NRXN3: variants seen among roughly 807,000 people sequenced by gnomAD.
The protein encoded by NRXN3 is neurexin III.
NRXN3 carries 32 observed loss-of-function variants against 137.6 expected under a neutral mutation model. The observed-to-expected ratio is 0.23, with a 90% CI of 0.18 to 0.31. The LOEUF (loss-of-function observed/expected upper bound fraction) is 0.31. Ranked by LOEUF, NRXN3 falls within the 10% of genes least tolerant of loss-of-function variation. The pLI is 1.00. For synonymous variants in NRXN3, 798 were observed against 784.5 expected, an observed-to-expected ratio of 1.02 and a Z score of -0.29; for missense variants, 1,574 against 2,062.5, an observed-to-expected ratio of 0.76 and a Z score of 4.59.
intron 17 of NRXN3, among the ~76,000 whole-genome samples, chr14:79,670,936 A>G (rs2098604084): frequency 6.6e-6 from 1 of 152,138 alleles, no homozygotes; most frequent in Non-Finnish European, 1.5e-5. Flanking sequence ...TTCATGGAGA[A>G]TTCCACAATA....
intron 3 of NRXN3, among the ~76,000 whole-genome samples, chr14:78,279,997 C>A (rs529548274): frequency 6.6e-6 from 1 of 152,288 alleles, no homozygotes; most frequent in Non-Finnish European, 1.5e-5. Flanking sequence ...TGCTCCCTAC[C>A]TTTGAAAATA....
chr14:78,833,358 G>A (rs370294148), intron 10 of NRXN3, among the ~76,000 whole-genome samples: 2 of 152,132 alleles, frequency 1.3e-5, no homozygotes, highest in Non-Finnish European at 2.9e-5. Flanking sequence ...GCTTTGTGAA[G>A]TTTACAGACC....
chr14:78,580,830 A>G (rs1214139808), intron 4 of NRXN3, among the ~76,000 whole-genome samples: 1 of 152,220 alleles, frequency 6.6e-6, no homozygotes, highest in Non-Finnish European at 1.5e-5. Context: ...GTGGAGCCCA[A>G]AGGGCTTTTG....
chr14:78,213,010 G>C (rs1161298216), intron 1 of NRXN3, among the ~76,000 whole-genome samples: 2 of 152,178 alleles, frequency 1.3e-5, no homozygotes, highest in Non-Finnish European at 2.9e-5. Context: ...AAGGACCTGG[G>C]TTTTATGGAC....
intron 15 of NRXN3, among the ~76,000 whole-genome samples, chr14:79,426,739 T>C (rs1263916203): frequency 6.6e-6 from 1 of 152,146 alleles, no homozygotes; most frequent in African/African-American, 2.4e-5. Flanking sequence ...GGGACTGTCA[T>C]GGGGAGGGAC....
At chr14:78,885,158 C>T (rs959757444) in intron 10 of NRXN3, among the ~76,000 whole-genome samples, 3 of 147,772 alleles carry the variant, frequency 2.0e-5, no homozygotes, top group African/African-American at 4.9e-5. Flanking sequence ...ATATAAATTA[C>T]ATATGTAAAA....
chr14:78,751,414 T>G (rs1342895324), intron 8 of NRXN3, among the ~76,000 whole-genome samples: 1 of 150,198 alleles, frequency 6.7e-6, no homozygotes, highest in Non-Finnish European at 1.5e-5. Flanking sequence ...AGGGGAGGAG[T>G]CCAGCTGCTA....
chr14:78,176,288 C>T (rs1342774007), intron 1 of NRXN3, among the ~76,000 whole-genome samples: 1 of 152,066 alleles, frequency 6.6e-6, no homozygotes. Context: ...TAGTAATCAC[C>T]ATTCTCATCA....
chr14:79,227,664 G>A (rs540185802), intron 15 of NRXN3, among the ~76,000 whole-genome samples: 1 of 151,532 alleles, frequency 6.6e-6, no homozygotes, highest in Admixed American at 6.6e-5. Context: ...TTCTGATAGG[G>A]CCACTTTGTT....
At chr14:79,032,302 G>A (rs774176939) in intron 15 of NRXN3, among the ~76,000 whole-genome samples, 4 of 152,084 alleles carry the variant, frequency 2.6e-5, no homozygotes, top group African/African-American at 4.8e-5. Context: ...GCATCAAGTC[G>A]TTATTAAACA....
intron 15 of NRXN3, among the ~76,000 whole-genome samples, chr14:79,358,666 AAAGT>A (rs1208188839): frequency 6.1e-5 from 9 of 147,350 alleles, no homozygotes; most frequent in African/African-American, 2.2e-4. Flanking sequence ...AGAAAGAAAG[AAAGT>A]GTCCTAAAAG....
chr14:78,451,633 CTG>C (rs1006419681), intron 4 of NRXN3, among the ~76,000 whole-genome samples: 13 of 152,300 alleles, frequency 8.5e-5, no homozygotes, highest in African/African-American at 3.1e-4. Context: ...CAAAGAAAGA[CTG>C]TAATAAACGA....
At chr14:79,203,995 C>T (rs1275610017) in intron 15 of NRXN3, among the ~76,000 whole-genome samples, 2 of 152,002 alleles carry the variant, frequency 1.3e-5, no homozygotes, top group Admixed American at 6.6e-5. Context: ...ACCATCATGG[C>T]ATCATGAAAG....
chr14:79,122,230 A>G (rs2055574220), intron 15 of NRXN3, among the ~76,000 whole-genome samples: 1 of 152,196 alleles, frequency 6.6e-6, no homozygotes, highest in Non-Finnish European at 1.5e-5. Flanking sequence ...GGCACTGGTT[A>G]AGGAAACAGA....
intron 15 of NRXN3, among the ~76,000 whole-genome samples, chr14:79,317,588 A>C (rs554898883): frequency 6.6e-6 from 1 of 152,116 alleles, no homozygotes; most frequent in African/African-American, 2.4e-5. Flanking sequence ...ATTTCATCAT[A>C]TCTTTTGGGA....
At chr14:79,121,172 A>G (rs893884826) in intron 15 of NRXN3, among the ~76,000 whole-genome samples, 2 of 152,214 alleles carry the variant, frequency 1.3e-5, no homozygotes, top group Non-Finnish European at 2.9e-5. Flanking sequence ...TCATCACTGT[A>G]AGAACATTTG....
chr14:79,514,850 T>TTCTTTTTCTTCTTA (rs1567349837), intron 16 of NRXN3, among the ~76,000 whole-genome samples: 1 of 151,006 alleles, frequency 6.6e-6, no homozygotes, highest in African/African-American at 2.5e-5. Flanking sequence ...ACTGCTTCTC[T>TTCTTTTTCTTCTTA]TTAAAAAGTG....
chr14:78,721,144 T>C (rs1378835098), intron 8 of NRXN3, among the ~76,000 whole-genome samples: 1 of 152,224 alleles, frequency 6.6e-6, no homozygotes, highest in East Asian at 1.9e-4. Flanking sequence ...TTTTATACCA[T>C]TTTATAATTA....
intron 4 of NRXN3, among the ~76,000 whole-genome samples, chr14:78,501,589 A>G (rs1006741890): frequency 6.6e-6 from 1 of 152,206 alleles, no homozygotes; most frequent in South Asian, 2.1e-4. Flanking sequence ...GGAGAAGGTT[A>G]TACTTGGGCA....
Sources: gnomAD v4.1 joint callset for allele counts (sites outside exome capture counted in the v4.1 genomes callset) on GRCh38, gnomAD v4.1.1 for gene constraint, MANE v1.5 for transcripts, NCBI Gene and HGNC (gene_info 2026-07-23, HGNC 2026-07-21) for gene names.